Variants in NOTCH3 observed in about 807,000 individuals in gnomAD.
The protein encoded by NOTCH3 is notch receptor 3.
NOTCH3 carries 86 observed loss-of-function variants against 213.3 expected under a neutral mutation model. That is an observed-to-expected ratio of 0.40 (90% confidence interval 0.34 to 0.48). The LOEUF is 0.48. Among genes scored for constraint, NOTCH3 ranks in the 20% least tolerant of loss-of-function variants. NOTCH3 has a pLI of 0.57. For missense variants in NOTCH3, 2,783 were observed against 3,272.6 expected (o/e 0.85, Z 3.65); for synonymous variants, 1,354 against 1,355.9 (o/e 1.00, Z 0.03).
intron 31 of NOTCH3, among the ~76,000 whole-genome samples, chr19:15,162,963 G>A (rs1423143467): frequency 6.6e-6 from 1 of 152,102 alleles, no homozygotes; most frequent in Non-Finnish European, 1.5e-5. Context: ...GAGTCCATTG[G>A]CACAATCTCA....
In NOTCH3 at chr19:15,193,786, ACAAAAAAAAC is replaced by A. The variant is rs1568362670; in HGVS notation, c.198-1277_198-1268del. On this transcript the variant is annotated intron_variant, in intron 2 of 32. Coordinates refer to ENST00000263388, the MANE Select transcript of NOTCH3 (RefSeq NM_000435.3). Reference sequence around the variant, plus strand: ...ACTCCATCTCAAAAAAAAACAAAAAACAAAAAAAACAAACAGGCCAGGCGCAGTGGCTCAT... The same window carrying A: ...ACTCCATCTCAAAAAAAAACAAAAAAAAACAGGCCAGGCGCAGTGGCTCAT... Among the ~76,000 whole-genome samples the A allele has an allele frequency of 1.9e-4, 22 of 114,886 alleles. 1 individual carries two copies. The highest frequency in any genetic ancestry group is 2.3e-4 in the Non-Finnish European group (13 of 56,822). 75.4% of individuals were successfully genotyped at this position (114,886 alleles called of 152,430 possible). A position where few individuals can be genotyped will look rare whatever the true frequency, so the allele number is the denominator to read the frequency against.
At position 15,177,975 on chromosome 19, in the gene NOTCH3, C is replaced by T; in HGVS notation, c.3953G>A (p.Gly1318Glu). The change falls in exon 24 of 33, where the codon GGG (glycine) becomes GAG (glutamate). Residue 1318 changes from glycine (G) to glutamate (E), a missense_variant. Gly to Glu is a moderately conservative substitution (Grantham distance 98, BLOSUM62 -2). Coordinates refer to ENST00000263388, the MANE Select transcript of NOTCH3 (RefSeq NM_000435.3). ...GCTGCGGCAGGAGGGTCCCGACAAC[C>T]CTGGGGGGCAGGCGCAGCGCGGCCC... The part of the protein sequence containing the change: ...PRGPRCACPP[G>E]LSGPSCRSFP... The T allele has an allele frequency of 7.0e-7, 1 of 1,419,810 alleles. No homozygotes were observed. The highest frequency in any genetic ancestry group is 9.2e-7 in the Non-Finnish European group (1 of 1,088,970). The allele number at this position is 1,419,810 out of a possible 1,614,324, so 88.0% of individuals were successfully genotyped here.
At chr19:15,178,355 C>T (rs2046810004) in intron 23 of NOTCH3, 2 of 510,042 alleles carry the variant, frequency 3.9e-6, no homozygotes, top group African/African-American at 3.9e-5. Context: ...TCACCCTTTT[C>T]CCTTCAAACC....
chr19:15,200,728 G>A, intron 1 of NOTCH3, 60 bp downstream of exon 1: 1 of 1,187,328 alleles, frequency 8.4e-7, no homozygotes, highest in Non-Finnish European at 1.1e-6. Flanking sequence ...CCCGGCCTTG[G>A]GGGTTCTTGC....
intron 6 of NOTCH3, 54 bp downstream of exon 6, chr19:15,191,370 T>C: frequency 6.9e-7 from 1 of 1,444,402 alleles, no homozygotes; most frequent in Non-Finnish European, 9.7e-7. Flanking sequence ...AGACTTCTTA[T>C]TTGCCCTCAC....
At position 15,174,125 on chromosome 19, in the gene NOTCH3, C is replaced by G. The variant is rs78501403; in HGVS notation, c.4679G>C (p.Arg1560Pro). The stretch of plus-strand genomic sequence containing the variant: ...CCGGGGTTCGGAGCCAGGACTAGGC[C>G]GGTGGTAAGGGAAGACCATGGCCTG... ...HGQAMVFPYH[R>P]PSPGSEPRAR... Residue 1560 changes from arginine to proline, a missense_variant, in exon 25 of 33, where the codon CGG (arginine) becomes CCG (proline). Transcript: ENST00000263388. 1,432 of 1,604,112 alleles carry G rather than the reference C, an allele frequency of 8.9e-4. 9 individuals are homozygous for G. The African/African-American group carries it at 0.017, about 19-fold the overall frequency.
rs1391521734 is a variant in NOTCH3 at position 15,191,359 on chromosome 19, C to T, written c.1036+65G>A. The T allele has an allele frequency of 1.2e-5, 16 of 1,369,408 alleles. No individual in the cohort carries two copies. In the East Asian group the frequency reaches 3.7e-4, roughly 32 times the overall value. The allele number at this position is 1,369,408 out of a possible 1,614,324, so 84.8% of individuals were successfully genotyped here. On this transcript the variant is annotated intron_variant, in intron 6 of 32. Coordinates refer to ENST00000263388, the MANE Select transcript of NOTCH3 (RefSeq NM_000435.3). ...AGCATAATCTTTCTAACACTCAAGT[C>T]AGACTTCTTATTTGCCCTCACTAAA... is the stretch of plus-strand genomic sequence containing the variant.
chr19:15,161,488 C>G lies in NOTCH3; in HGVS notation c.6140G>C (p.Gly2047Ala). Residue 2047 changes from glycine (G) to alanine (A), a missense_variant, in exon 33 of 33, where the codon GGG becomes GCG. Coordinates refer to ENST00000263388, the MANE Select transcript of NOTCH3 (RefSeq NM_000435.3). Reference sequence around the variant, plus strand: ...CGCTTTGAGGCCAGGGAGGAAGGCCCCTGGAGGACAGAGCAGAGGCCCCAG... The same window carrying G: ...CGCTTTGAGGCCAGGGAGGAAGGCCGCTGGAGGACAGAGCAGAGGCCCCAG... ...HGLGPLLCPP[G>A]AFLPGLKAAQ... The G allele has an allele frequency of 6.3e-7, 1 of 1,584,082 alleles. No individual in the cohort carries two copies. Among genetic ancestry groups the G allele is most frequent in the Non-Finnish European group, 8.6e-7 (1 of 1,165,172 alleles).
At position 15,161,066 on chromosome 19, in the gene NOTCH3, G is replaced by A. The variant is rs2145380899; in HGVS notation, c.6562C>T (p.Pro2188Ser). Residue 2188 changes from proline to serine, a missense_variant, in exon 33 of 33, where the codon CCA becomes TCA. Physicochemically the swap from Pro to Ser is moderately conservative, Grantham distance 74. Around this residue, in one of 6 missense-constraint regions of NOTCH3, gnomAD observed 441 missense variants for 432.1 expected, o/e 1.02. Coordinates refer to ENST00000263388, the MANE Select transcript of NOTCH3 (RefSeq NM_000435.3). ...PAPPGPSFLLPLAPGPQLLNP... is the reference protein window; with the variant it reads ...PAPPGPSFLLSLAPGPQLLNP... ...AGCAGCTGGGGTCCCGGCGCCAGTGGCAGCAGGAACGAGGGGCCTGGAGGG... is the reference window on the plus strand; with the variant it reads ...AGCAGCTGGGGTCCCGGCGCCAGTGACAGCAGGAACGAGGGGCCTGGAGGG... 6.5e-7 allele frequency: 1 copy of A among 1,541,930 alleles called. No individual in the cohort carries two copies. The highest frequency in any genetic ancestry group is 2.4e-5 in the East Asian group (1 of 41,694).
intron 12 of NOTCH3, 80 bp downstream of exon 12, chr19:15,186,798 T>G (rs1281631532): frequency 8.8e-7 from 1 of 1,135,694 alleles, no homozygotes; most frequent in African/African-American, 1.5e-5. Context: ...TCTGCAAAGA[T>G]ACGGGCAAAA....
In NOTCH3 at chr19:15,174,300, T is replaced by A; in HGVS notation, c.4504A>T (p.Ser1502Cys). 1 of 1,557,120 alleles carries A rather than the reference T, an allele frequency of 6.4e-7. No individual in the cohort carries two copies. The highest frequency in any genetic ancestry group is 8.7e-7 in the Non-Finnish European group (1 of 1,152,034). ...ECGWDGLDCA[S>C]EVPALLARGV... Reference sequence around the variant, plus strand: ...CGGGCCAGCAGGGCCGGCACCTCGCTGGCACAATCCAGCCCATCCCAGCCG... The same window carrying A: ...CGGGCCAGCAGGGCCGGCACCTCGCAGGCACAATCCAGCCCATCCCAGCCG... The change falls in exon 25 of 33, where the codon AGC becomes TGC. Residue 1502 changes from serine to cysteine, a missense_variant. Coordinates refer to ENST00000263388, the MANE Select transcript of NOTCH3 (RefSeq NM_000435.3).
chr19:15,181,541 A>G, intron 17 of NOTCH3, 35 bp downstream of exon 17: 1 of 1,526,872 alleles, frequency 6.5e-7, no homozygotes. Flanking sequence ...ATCCCAAGCC[A>G]GAGTCCCTGC....
chr19:15,188,843 C>T, intron 8 of NOTCH3, 146 bp downstream of exon 8: 1 of 791,282 alleles, frequency 1.3e-6, no homozygotes, highest in Non-Finnish European at 2.0e-6. Context: ...CCCTTCTGGT[C>T]CTGACCCCAC....
In NOTCH3 at chr19:15,185,016, C is replaced by T. The variant is rs75291244; in HGVS notation, c.2300G>A (p.Arg767His). Reference protein sequence around the residue: ...HCTCPPGVQGRQCELLSPCTP... With the variant: ...HCTCPPGVQGHQCELLSPCTP... ...GCAGGGGGAGAGGAGTTCACACTGA[C>T]GTCCTGTTGGGGGTGGAAGAGAGGG... Residue 767 changes from arginine (R) to histidine (H), a missense_variant, in exon 15 of 33, where the codon CGT becomes CAT. Arg to His is a conservative substitution (Grantham distance 29). Coordinates refer to ENST00000263388, the MANE Select transcript of NOTCH3 (RefSeq NM_000435.3). This position sits in a 1 kb window ranked among gnomAD's most constrained non-coding sequence, Gnocchi z 4.2. 3.9e-4 allele frequency: 573 copies of T among 1,485,080 alleles called. 2 individuals carry two copies. The African/African-American group carries it at 6.8e-3, about 18-fold the overall frequency. 92.0% of individuals were successfully genotyped at this position (1,485,080 alleles called of 1,614,324 possible).
chr19:15,181,194 G>T, intron 17 of NOTCH3, 32 bp from the exon 18 acceptor site: 1 of 1,582,762 alleles, frequency 6.3e-7, no homozygotes, highest in Non-Finnish European at 8.6e-7. Flanking sequence ...GGAGGATCAG[G>T]CTCCGCCCCC....
Position 15,162,470 on chromosome 19 carries a change from T to C in NOTCH3, c.5908A>G (p.Ser1970Gly). The C allele has an allele frequency of 1.2e-6, 2 of 1,613,018 alleles. No individual in the cohort carries two copies. Among genetic ancestry groups the C allele is most frequent in the Non-Finnish European group, 1.7e-6 (2 of 1,179,556 alleles). The change falls in exon 32 of 33, where the codon AGC becomes GGC. Residue 1970 changes from serine to glycine, a missense_variant. Physicochemically the swap from Ser to Gly is moderately conservative, Grantham distance 56. This residue lies in a region of NOTCH3 where 636 missense variants were observed against 801.8 expected (regional missense o/e 0.79). Coordinates refer to ENST00000263388, the MANE Select transcript of NOTCH3 (RefSeq NM_000435.3). ...GACCAAGGGCTGGGGCTCACCTTGC[T>C]ATCCTGCATGTCCTTATTGGCTCCA... The part of the protein sequence containing the change: ...KNGANKDMQD[S>G]KEETPLFLAA...
At position 15,165,407 on chromosome 19, in the gene NOTCH3, T is replaced by A; in HGVS notation, c.5776A>T (p.Ile1926Phe). ...GCATTGACATCAGCATGGCTGGCGA[T>A]GAGCTCTTCCACCATGCCCTCTACT... ...LAVEGMVEEL[I>F]ASHADVNAVD... The change falls in exon 31 of 33, where the codon ATC (isoleucine) becomes TTC (phenylalanine). Residue 1926 changes from isoleucine (I) to phenylalanine (F), a missense_variant. This residue lies in a region of NOTCH3 where 636 missense variants were observed against 801.8 expected (regional missense o/e 0.79). Transcript: ENST00000263388. The surrounding 1 kb of genome is among the most constrained non-coding windows in gnomAD (Gnocchi z 4.7). 3 of 1,610,616 alleles carry A rather than the reference T, an allele frequency of 1.9e-6. No individual in the cohort carries two copies. The highest frequency in any genetic ancestry group is 2.5e-6 in the Non-Finnish European group (3 of 1,180,022).
In NOTCH3 at chr19:15,186,933, T is replaced by A; in HGVS notation, c.1896A>T (p.Gly632=). Residue 632 remains glycine (G), a synonymous_variant, in exon 12 of 33, where the codon GGA becomes GGT. Transcript: ENST00000263388. ...DDCASNPCTF[G]VCRDGINRYD... Reference sequence around the variant, plus strand: ...AGCGGTTGATGCCATCACGGCAGACTCCAAAGGTGCAGGGGTTGCTGGCAC... The same window carrying A: ...AGCGGTTGATGCCATCACGGCAGACACCAAAGGTGCAGGGGTTGCTGGCAC... 6.2e-7 allele frequency: 1 copy of A among 1,614,160 alleles called. No homozygotes were observed. The highest frequency in any genetic ancestry group is 2.2e-5 in the East Asian group (1 of 44,876).
chr19:15,192,884 C>T (rs1370012050), intron 2 of NOTCH3, among the ~76,000 whole-genome samples: 5 of 152,050 alleles, frequency 3.3e-5, no homozygotes, highest in African/African-American at 1.2e-4. Context: ...CACTGCACTG[C>T]AGCCTGGGTG....
Sources: gnomAD v4.1 joint callset for allele counts (sites outside exome capture counted in the v4.1 genomes callset) on GRCh38, gnomAD v4.1.1 for gene constraint, gnomAD v4.1.1 regional missense constraint, Gnocchi (gnomAD v3.1) non-coding constraint, MANE v1.5 for transcripts, NCBI Gene and HGNC (gene_info 2026-07-23, HGNC 2026-07-21) for gene names.